The following HSPG2 variants were observed in gnomAD, a reference collection of about 807,000 sequenced individuals.
HSPG2 encodes heparan sulfate proteoglycan 2, also known as basement membrane-specific heparan sulfate proteoglycan core protein.
Under a neutral mutation model 526.6 loss-of-function variants are expected in HSPG2, and 278 were observed. The observed-to-expected ratio is 0.53, with a 90% CI of 0.48 to 0.58. The LOEUF is 0.58. Ranked by LOEUF, HSPG2 falls within the 20% of genes least tolerant of loss-of-function variation. HSPG2 has a pLI of 0.00. For synonymous variants in HSPG2, 2,465 were observed against 2,555.4 expected (o/e 0.96, Z 1.07); for missense variants, 5,354 against 6,099.5 (o/e 0.88, Z 4.07).
chr1:21,929,800 A>G (rs35427168), intron 1 of HSPG2, among the ~76,000 whole-genome samples: 1,699 of 151,994 alleles, frequency 0.011, 21 homozygotes, highest in South Asian at 0.025. Context: ...CCCGCCCCAC[A>G]TCCAACCCAC....
Position 21,857,178 on chromosome 1 carries a change from C to A in HSPG2, c.5412G>T (p.Leu1804=). The part of the protein sequence containing the change: ...TAKSKSPAYT[L]VWTRLHNGKL... ...TCCCGTTGTGCAGGCGGGTCCACAC[C>A]AGGGTATAGGCTGGGGACTGCAGGG... The change falls in exon 44 of 97, where the codon CTG becomes CTT. Residue 1804 remains leucine, a synonymous_variant. Transcript: ENST00000374695. 2.5e-6 allele frequency: 4 copies of A among 1,614,116 alleles called. No homozygotes were observed. Among genetic ancestry groups the A allele is most frequent in the Non-Finnish European group, 3.4e-6 (4 of 1,180,012 alleles).
rs780545355 is a variant in HSPG2, at chr1:21,852,790, C to T, written c.6634G>A (p.Asp2212Asn). Residue 2212 changes from aspartate to asparagine, a missense_variant, in exon 52 of 97, where the codon GAC (aspartate) becomes AAC (asparagine). Transcript: ENST00000374695. ...LLRLHQVTPA[D>N]SGEYVCHVVG... ...ACATGGCACACATACTCGCCTGAGT[C>T]GGCCGGGGTCACCTGGTGCAGCCGC... is the stretch of plus-strand genomic sequence containing the variant. 6.5e-5 allele frequency: 104 copies of T among 1,608,492 alleles called. No individual in the cohort carries two copies. The Middle Eastern group carries it at 1.0e-3, about 15-fold the overall frequency.
In HSPG2 at chr1:21,857,356, C is replaced by T; in HGVS notation, c.5323G>A (p.Val1775Met). 2 of 1,614,028 alleles carry T rather than the reference C, an allele frequency of 1.2e-6. No homozygotes were observed. The highest frequency in any genetic ancestry group is 1.7e-6 in the Non-Finnish European group (2 of 1,180,020). ...EAPSKPITVTVEEQRSQSVRP... is the reference protein window; with the variant it reads ...EAPSKPITVTMEEQRSQSVRP... Reference sequence around the variant, plus strand: ...ACGCTCTGGCTCCGCTGCTCCTCCACAGTCACTGTGATGGGCTTGCTTGGA... The same window carrying T: ...ACGCTCTGGCTCCGCTGCTCCTCCATAGTCACTGTGATGGGCTTGCTTGGA... Residue 1775 changes from valine (V) to methionine (M), a missense_variant, in exon 43 of 97, where the codon GTG (valine) becomes ATG (methionine). Val to Met is a conservative substitution (Grantham distance 21, BLOSUM62 1). Coordinates refer to ENST00000374695, the MANE Select transcript of HSPG2 (RefSeq NM_005529.7).
rs753093637 is a variant in HSPG2 at position 21,872,812 on chromosome 1, AC to A, written c.3889-53del. ...GCAGGGGACTCAGTGGGTCTCCTGC[AC>A]CCCCAGCAGCCTGAGGCCAGCCTCC... is the stretch of plus-strand genomic sequence containing the variant. On this transcript the variant is annotated intron_variant, in intron 31 of 96. Transcript: ENST00000374695. This position sits in a 1 kb window ranked among gnomAD's most constrained non-coding sequence, Gnocchi z 5.5. The A allele has an allele frequency of 6.9e-6, 11 of 1,590,442 alleles. No individual in the cohort carries two copies. In the South Asian group the frequency reaches 1.3e-4, roughly 18 times the overall value.
At chr1:21,845,966 G>A (rs1328326796) in intron 64 of HSPG2, 142 bp downstream of exon 64, 4 of 1,016,456 alleles carry the variant, frequency 3.9e-6, no homozygotes, top group East Asian at 2.5e-5. Flanking sequence ...GGGACCGTGT[G>A]GGTGGCGGGA....
chr1:21,830,732 A>C (rs1572152630), intron 85 of HSPG2: 4 of 287,012 alleles, frequency 1.4e-5, no homozygotes, highest in African/African-American at 3.1e-5. Context: ...GGGGTGGGGG[A>C]GTGCCTGGGT....
chr1:21,874,342 C>T (rs2445135), intron 28 of HSPG2, 64 bp downstream of exon 28: 9 of 1,599,724 alleles, frequency 5.6e-6, no homozygotes, highest in African/African-American at 4.0e-5. Context: ...CTGGATGAAG[C>T]GGGTGTGGGA....
At position 21,888,055 on chromosome 1, in the gene HSPG2, G is replaced by A. The variant is rs780246424; in HGVS notation, c.586C>T (p.Pro196Ser). The stretch of plus-strand genomic sequence containing the variant: ...AACTCGGCCTCCGTGCAGGCTCTTG[G>A]GAACTGGGGCACTGCAGGTGGAAAG... Reference protein sequence around the residue: ...FRRLGTVPQFPRACTEAEFAC... With the variant: ...FRRLGTVPQFSRACTEAEFAC... Residue 196 changes from proline to serine, a missense_variant, in exon 7 of 97, where the codon CCA becomes TCA. Physicochemically the swap from Pro to Ser is moderately conservative, Grantham distance 74 (BLOSUM62 -1). Transcript: ENST00000374695. 39 of 1,613,920 alleles carry A rather than the reference G, an allele frequency of 2.4e-5. No individual in the cohort carries two copies. Among genetic ancestry groups the A allele is most frequent in the Non-Finnish European group, 3.3e-5 (39 of 1,179,984 alleles).
At chr1:21,841,331 T>G (rs1024392660) in intron 70 of HSPG2, 46 bp from the exon 71 acceptor site, 13 of 1,609,134 alleles carry the variant, frequency 8.1e-6, no homozygotes, top group East Asian at 2.2e-5. Flanking sequence ...AGGGCTCTGC[T>G]GCTCACCCAC....
chr1:21,859,646 G>A lies in HSPG2; in HGVS notation c.5213C>T (p.Pro1738Leu), dbSNP rs777163949. ...GSELHFPSVQ[P>L]SDAGVYICTC... is the part of the protein sequence containing the mutation. Reference sequence around the variant, plus strand: ...GCAAATGTAGACCCCAGCATCCGAGGGCTGGACGCTGGGGAAGTGGAGCTC... The same window carrying A: ...GCAAATGTAGACCCCAGCATCCGAGAGCTGGACGCTGGGGAAGTGGAGCTC... The change falls in exon 42 of 97, where the codon CCC (proline) becomes CTC (leucine). Residue 1738 changes from proline (P) to leucine (L), a missense_variant. Coordinates refer to ENST00000374695, the MANE Select transcript of HSPG2 (RefSeq NM_005529.7). This position sits in a 1 kb window ranked among gnomAD's most constrained non-coding sequence, Gnocchi z 5.3. 53 of 1,608,804 alleles carry A rather than the reference G, an allele frequency of 3.3e-5. No homozygotes were observed. The highest frequency in any genetic ancestry group is 4.5e-5 in the Non-Finnish European group (53 of 1,177,836).
At chr1:21,837,492 T>TTGC (rs1402236682) in intron 74 of HSPG2, among the ~76,000 whole-genome samples, 3 of 151,776 alleles carry the variant, frequency 2.0e-5, no homozygotes, top group Non-Finnish European at 4.4e-5. Context: ...TTTCACCATG[T>TTGC]TGCCCAGGCT....
At chr1:21,912,049 T>C (rs563165684) in intron 1 of HSPG2, among the ~76,000 whole-genome samples, 2 of 152,328 alleles carry the variant, frequency 1.3e-5, no homozygotes, top group African/African-American at 4.8e-5. Flanking sequence ...GACACGTTGA[T>C]AGTTTTTTGC....
Position 21,887,116 on chromosome 1 carries a change from G to T in HSPG2, c.1078+99C>A. On this transcript the variant is annotated intron_variant, in intron 9 of 96. Coordinates refer to ENST00000374695, the MANE Select transcript of HSPG2 (RefSeq NM_005529.7). The surrounding 1 kb of genome is among the most constrained non-coding windows in gnomAD (Gnocchi z 5.0). The stretch of plus-strand genomic sequence containing the variant: ...TGGGGGACTGGGGAGGGGGGAAAGC[G>T]GAGGGGCAGGGTAGGGGCGGGGCAG... 3 of 1,169,446 alleles carry T rather than the reference G, an allele frequency of 2.6e-6. No individual in the cohort carries two copies. The highest frequency in any genetic ancestry group is 3.6e-6 in the Non-Finnish European group (3 of 837,562). 72.4% of individuals were successfully genotyped at this position (1,169,446 alleles called of 1,614,324 possible). A position where few individuals can be genotyped will look rare whatever the true frequency, so the allele number is the denominator to read the frequency against.
At chr1:21,857,450 G>A (rs1054673937) in intron 42 of HSPG2, 65 bp from the exon 43 acceptor site, 4 of 1,421,668 alleles carry the variant, frequency 2.8e-6, no homozygotes, top group African/African-American at 1.4e-5. Context: ...TGGCCACTTT[G>A]TCTTTCTCCA....
chr1:21,875,519 G>T, intron 25 of HSPG2, 110 bp downstream of exon 25: 1 of 841,958 alleles, frequency 1.2e-6, no homozygotes. Context: ...GACAGGGAAA[G>T]TGAGGCACAA....
chr1:21,908,372 G>T, intron 1 of HSPG2: 1 of 1,070,660 alleles, frequency 9.3e-7, no homozygotes. Flanking sequence ...ATTAATGTGC[G>T]TATTGAGCAC....
chr1:21,824,809 C>A lies in HSPG2; in HGVS notation c.12590-30G>T. ...GGGAGAGAGGAGGGTGGTGCCATAC[C>A]TGCTGCATCAGGCATCAAAATCCCC... On this transcript the variant is annotated intron_variant, in intron 91 of 96. Transcript: ENST00000374695. This position sits in a 1 kb window ranked among gnomAD's most constrained non-coding sequence, Gnocchi z 5.9. 1 of 1,587,942 alleles carries A rather than the reference C, an allele frequency of 6.3e-7. No homozygotes were observed. The highest frequency in any genetic ancestry group is 1.1e-5 in the South Asian group (1 of 88,682).
Position 21,836,890 on chromosome 1 carries a change from C to T in HSPG2, c.10267G>A (p.Val3423Met). 2 of 1,572,052 alleles carry T rather than the reference C, an allele frequency of 1.3e-6. No homozygotes were observed. The highest frequency in any genetic ancestry group is 1.7e-6 in the Non-Finnish European group (2 of 1,158,482). Reference protein sequence around the residue: ...IGASVEFHCAVPSDRGTQLRW... With the variant: ...IGASVEFHCAMPSDRGTQLRW... ...AGCTGGGTACCCCGGTCGCTGGGCA[C>T]AGCACAGTGGAACTCAACGCTGGCC... Residue 3423 changes from valine (V) to methionine (M), a missense_variant, in exon 75 of 97, where the codon GTG (valine) becomes ATG (methionine). Val to Met is a conservative substitution (Grantham distance 21). Transcript: ENST00000374695.
chr1:21,829,829 A>G, intron 86 of HSPG2, 164 bp downstream of exon 86: 2 of 752,720 alleles, frequency 2.7e-6, no homozygotes, highest in African/African-American at 1.7e-5. Context: ...CCCTCACTCA[A>G]TAAGGGGCTC....
Sources: gnomAD v4.1 joint callset for allele counts (sites outside exome capture counted in the v4.1 genomes callset) on GRCh38, gnomAD v4.1.1 for gene constraint, Gnocchi (gnomAD v3.1) non-coding constraint, MANE v1.5 for transcripts, NCBI Gene and HGNC (gene_info 2026-07-23, HGNC 2026-07-21) for gene names.